FYN: variants seen among roughly 807,000 people sequenced by gnomAD.
FYN encodes the protein tyrosine-protein kinase Fyn.
FYN carries 10 observed loss-of-function variants against 70.2 expected under a neutral mutation model. The ratio of observed to expected loss-of-function variants is 0.14; its 90% CI spans 0.09 to 0.24. FYN has a LOEUF of 0.24. FYN is among the 10% of genes least tolerant of loss of function. The probability of loss-of-function intolerance (pLI) is 1.00; values close to 1 mark genes in which losing one functional copy is unlikely to be tolerated. For missense variants in FYN, 319 were observed against 673.1 expected (o/e 0.47, Z 5.82); for synonymous variants, 236 against 248.6 (o/e 0.95, Z 0.48).
intron 2 of FYN, among the ~76,000 whole-genome samples, chr6:111,819,478 G>T (rs1414445701): frequency 6.6e-6 from 1 of 151,652 alleles, no homozygotes; most frequent in East Asian, 1.9e-4. Context: ...ATTGTTTTAC[G>T]ACAGTCCCTG....
chr6:111,712,384 G>A (rs569923177), intron 5 of FYN, among the ~76,000 whole-genome samples: 5 of 152,294 alleles, frequency 3.3e-5, no homozygotes, highest in African/African-American at 1.2e-4. Flanking sequence ...ACAGCAAGGA[G>A]GTATACCCAG....
At chr6:111,713,567 TAGA>T (rs1361388798) in intron 5 of FYN, among the ~76,000 whole-genome samples, 1 of 151,928 alleles carries the variant, frequency 6.6e-6, no homozygotes, top group Non-Finnish European at 1.5e-5. Flanking sequence ...CTTCAGAACC[TAGA>T]TTTTTTTCTG....
rs891835345 is a variant in FYN at position 111,700,242 on chromosome 6, G to A, written c.724C>T (p.Leu242=). Residue 242 remains leucine (L), a synonymous_variant, in exon 9 of 14, where the codon CTA becomes TTA. Coordinates refer to ENST00000354650, the MANE Select transcript of FYN (RefSeq NM_002037.5). ...ATCCCTTTGTGACAGGGAACTACTAGGCGGCAGCAGAGACCTGCAGCTCTC... is the reference window on the plus strand; with the variant it reads ...ATCCCTTTGTGACAGGGAACTACTAAGCGGCAGCAGAGACCTGCAGCTCTC... ...SERAAGLCCR[L]VVPCHKGMPR... The A allele has an allele frequency of 6.2e-7, 1 of 1,614,130 alleles. No homozygotes were observed.
chr6:111,679,053 C>A (rs1482594095), intron 12 of FYN, among the ~76,000 whole-genome samples: 1 of 152,192 alleles, frequency 6.6e-6, no homozygotes, highest in African/African-American at 2.4e-5. Flanking sequence ...CCAGCTGCTT[C>A]TTATCATCCC....
chr6:111,714,770 G>T (rs1800543257), intron 4 of FYN, among the ~76,000 whole-genome samples: 1 of 152,234 alleles, frequency 6.6e-6, no homozygotes, highest in South Asian at 2.1e-4. Context: ...CAGGGTTCAG[G>T]TTTGCAGGGC....
At chr6:111,866,840 G>T (rs1055816303) in intron 1 of FYN, among the ~76,000 whole-genome samples, 17 of 152,336 alleles carry the variant, frequency 1.1e-4, no homozygotes, top group Non-Finnish European at 2.4e-4. Context: ...CTTCATGGTT[G>T]TATGTTCTAC....
intron 8 of FYN, among the ~76,000 whole-genome samples, chr6:111,700,581 T>C (rs932890059): frequency 1.3e-5 from 2 of 152,244 alleles, no homozygotes; most frequent in African/African-American, 2.4e-5. Flanking sequence ...AGTCTATACA[T>C]AGACATACAC....
intron 4 of FYN, among the ~76,000 whole-genome samples, chr6:111,715,863 C>T (rs1011622298): frequency 6.6e-5 from 10 of 152,110 alleles, no homozygotes; most frequent in African/African-American, 1.9e-4. Flanking sequence ...TGTATGGACA[C>T]ACATAAACAA....
intron 3 of FYN, among the ~76,000 whole-genome samples, chr6:111,751,678 G>A (rs1430432586): frequency 1.3e-5 from 2 of 151,976 alleles, no homozygotes; most frequent in Non-Finnish European, 2.9e-5. Context: ...CTGGAGTGCA[G>A]TGGCACAATC....
chr6:111,665,046 A>T (rs1797934165), intron 13 of FYN, among the ~76,000 whole-genome samples: 1 of 152,210 alleles, frequency 6.6e-6, no homozygotes, highest in Non-Finnish European at 1.5e-5. Context: ...GCTAGTTTTT[A>T]TTTTATAAAC....
intron 2 of FYN, among the ~76,000 whole-genome samples, chr6:111,845,955 CCTCAGTCAGAG>C (rs1410264735): frequency 3.3e-5 from 5 of 152,328 alleles, no homozygotes; most frequent in African/African-American, 4.8e-5. Context: ...ATAGCTCAGC[CCTCAGTCAGAG>C]CTTCCAAGCC....
intron 5 of FYN, among the ~76,000 whole-genome samples, chr6:111,710,768 A>C (rs1800336888): frequency 6.6e-6 from 1 of 152,020 alleles, no homozygotes; most frequent in Non-Finnish European, 1.5e-5. Flanking sequence ...AAATAGATAT[A>C]CTCTATATTC....
chr6:111,814,910 T>G (rs1772439179), intron 2 of FYN, among the ~76,000 whole-genome samples: 1 of 152,182 alleles, frequency 6.6e-6, no homozygotes, highest in South Asian at 2.1e-4. Context: ...TTAAAAAAAT[T>G]GTAAAATGTA....
chr6:111,731,106 T>A (rs775681279), intron 3 of FYN, among the ~76,000 whole-genome samples: 7 of 152,198 alleles, frequency 4.6e-5, no homozygotes, highest in Non-Finnish European at 7.3e-5. Context: ...CGAGGACCGC[T>A]GAGAATGAAA....
intron 6 of FYN, among the ~76,000 whole-genome samples, chr6:111,704,468 T>C (rs1799977512): frequency 6.6e-6 from 1 of 152,154 alleles, no homozygotes. Context: ...TCTAAAAGAC[T>C]CTAGTCTGGG....
At position 111,660,413 on chromosome 6, in the gene FYN, T is replaced by C. The variant is rs1348138046; in HGVS notation, c.*1326A>G. The C allele has an allele frequency of 6.6e-6, 1 of 152,144 alleles. No individual in the cohort carries two copies. Among genetic ancestry groups the C allele is most frequent in the Non-Finnish European group, 1.5e-5 (1 of 68,002 alleles). 9.4% of individuals were successfully genotyped at this position (152,144 alleles called of 1,614,324 possible). The stretch of plus-strand genomic sequence containing the variant: ...AAAATGTAAACTCACAAATAAATCA[T>C]AACAAAAAAGGAATTAAGACTTCAG... On this transcript the variant is annotated 3_prime_UTR_variant, in exon 14 of 14. Coordinates refer to ENST00000354650, the MANE Select transcript of FYN (RefSeq NM_002037.5).
intron 13 of FYN, among the ~76,000 whole-genome samples, chr6:111,673,203 T>G (rs1259837944): frequency 1.3e-5 from 2 of 152,148 alleles, no homozygotes; most frequent in African/African-American, 4.8e-5. Flanking sequence ...ACACCCACGC[T>G]GTGCTCCATC....
At chr6:111,739,442 G>C (rs1416873319) in intron 3 of FYN, among the ~76,000 whole-genome samples, 4 of 152,242 alleles carry the variant, frequency 2.6e-5, no homozygotes, top group African/African-American at 4.8e-5. Flanking sequence ...CCCTGGCAGG[G>C]TTCTGGCTCC....
At chr6:111,763,509 C>T (rs1450193506) in intron 3 of FYN, among the ~76,000 whole-genome samples, 2 of 152,192 alleles carry the variant, frequency 1.3e-5, no homozygotes, top group Non-Finnish European at 2.9e-5. Context: ...GCTTGTTTGT[C>T]TTGTCCACTG....
Sources: allele counts gnomAD v4.1 joint callset (sites outside exome capture counted in the v4.1 genomes callset), GRCh38; gene constraint gnomAD v4.1.1; transcripts MANE v1.5; gene names NCBI Gene and HGNC (gene_info 2026-07-23, HGNC 2026-07-21).